Variants in SYNE1 observed in about 807,000 individuals in gnomAD.
SYNE1 encodes the protein nesprin-1.
In SYNE1, 616 loss-of-function variants were observed where a neutral mutation model predicts 1,111.0. The ratio of observed to expected loss-of-function variants is 0.55; its 90% CI spans 0.52 to 0.59. SYNE1 has a LOEUF of 0.59. Ranked by LOEUF, SYNE1 falls within the 20% of genes least tolerant of loss-of-function variation. The pLI is 0.00. For missense variants in SYNE1, 10,006 were observed against 10,417.0 expected, an observed-to-expected ratio of 0.96 and a Z score of 1.72; for synonymous variants, 3,855 against 3,825.8, an observed-to-expected ratio of 1.01 and a Z score of -0.28.
intron 3 of SYNE1, among the ~76,000 whole-genome samples, chr6:152,625,838 A>G (rs540407007): frequency 1.1e-4 from 16 of 152,334 alleles, no homozygotes; most frequent in African/African-American, 3.6e-4. Flanking sequence ...TTCCATGACT[A>G]TTTGAATGGC....
Position 152,521,806 on chromosome 6 carries a change from C to T in SYNE1, c.226-1264G>A, listed in dbSNP as rs138168675. On this transcript the variant is annotated intron_variant, in intron 5 of 145. Coordinates refer to ENST00000367255, the MANE Select transcript of SYNE1 (RefSeq NM_182961.4). ...AATATCTTCAACAAGTTTGTAACTTCTGCCAGTTGTTTTAAAGGTTTTTAA... is the reference window on the plus strand; with the variant it reads ...AATATCTTCAACAAGTTTGTAACTTTTGCCAGTTGTTTTAAAGGTTTTTAA... Among the ~76,000 whole-genome samples, 84 of 152,212 alleles carry T rather than the reference C, an allele frequency of 5.5e-4. 1 individual carries two copies. In the East Asian group the frequency reaches 0.015, roughly 27 times the overall value.
rs1018825092 is a variant in SYNE1 at position 152,136,512 on chromosome 6, G to A, written c.25659+106C>T. The A allele has an allele frequency of 5.1e-6, 7 of 1,361,224 alleles. No homozygotes were observed. The African/African-American group carries it at 1.0e-4, about 20-fold the overall frequency. The allele number at this position is 1,361,224 out of a possible 1,614,324, so 84.3% of individuals were successfully genotyped here. A position where few individuals can be genotyped will look rare whatever the true frequency, so the allele number is the denominator to read the frequency against. ...GTTATCTCACTGAAATACTGACTTT[G>A]GGGAGCAACTGCGTCCCTCTAGAAA... On this transcript the variant is annotated intron_variant, in intron 141 of 145. Transcript: ENST00000367255.
chr6:152,594,791 C>T (rs1456346567), intron 3 of SYNE1, among the ~76,000 whole-genome samples: 1 of 152,132 alleles, frequency 6.6e-6, no homozygotes, highest in Non-Finnish European at 1.5e-5. Context: ...TGAGCCTAAG[C>T]CAATCAGACT....
intron 58 of SYNE1, among the ~76,000 whole-genome samples, chr6:152,375,844 T>G (rs967163085): frequency 6.6e-6 from 1 of 152,250 alleles, no homozygotes; most frequent in East Asian, 1.9e-4. Flanking sequence ...AAAAATAGTG[T>G]GCATTTATAT....
In SYNE1 at chr6:152,208,986, G is replaced by A. The variant is rs374301733; in HGVS notation, c.22590-780C>T. On this transcript the variant is annotated intron_variant, in intron 124 of 145. Coordinates refer to ENST00000367255, the MANE Select transcript of SYNE1 (RefSeq NM_182961.4). Reference sequence around the variant, plus strand: ...GTTTTCTGGCTTTAAAAAAATATAGGTAGTTCTTTATTACGTTTTATTTAA... The same window carrying A: ...GTTTTCTGGCTTTAAAAAAATATAGATAGTTCTTTATTACGTTTTATTTAA... Among the ~76,000 whole-genome samples, 17 of 151,694 alleles carry A rather than the reference G, an allele frequency of 1.1e-4. No individual in the cohort carries two copies. The East Asian group carries it at 2.5e-3, about 22-fold the overall frequency.
rs370196519 is a variant in SYNE1, at chr6:152,453,725, C to T, written c.2893-5G>A. 5.8e-5 allele frequency: 94 copies of T among 1,614,134 alleles called. No individual in the cohort carries two copies. The highest frequency in any genetic ancestry group is 4.9e-4 in the Middle Eastern group (3 of 6,062). ...ATCCAGCTGACTGAAAAACTCCTGA[C>T]ATGGAAGGGGAAAGTGGGTAAGAGT... On this transcript the variant is annotated splice_polypyrimidine_tract_variant and splice_region_variant and intron_variant, in intron 24 of 145. Coordinates refer to ENST00000367255, the MANE Select transcript of SYNE1 (RefSeq NM_182961.4).
At chr6:152,480,765 A>G (rs2098888411) in intron 14 of SYNE1, 1 of 456,100 alleles carries the variant, frequency 2.2e-6, no homozygotes, top group Admixed American at 2.3e-5. Context: ...TCTCTTTATT[A>G]CATTCCTTAG....
At chr6:152,564,877 T>C (rs936643508) in intron 3 of SYNE1, among the ~76,000 whole-genome samples, 1 of 152,130 alleles carries the variant, frequency 6.6e-6, no homozygotes, top group Non-Finnish European at 1.5e-5. Context: ...ATATGTAAAC[T>C]AGAGACAAAA....
rs140136749 is a variant in SYNE1 at position 152,331,584 on chromosome 6, G to A, written c.13101C>T (p.Ile4367=). Reference sequence around the variant, plus strand: ...GAGGGCTCTGCTTAAGGGCCTCGGCGATGTTGGGTTGTTGCTCTTCTGCCC... The same window carrying A: ...GAGGGCTCTGCTTAAGGGCCTCGGCAATGTTGGGTTGTTGCTCTTCTGCCC... ...MEWAEEQQPN[I]AEALKQSPPP... The change falls in exon 78 of 146, where the codon ATC becomes ATT. Residue 4367 remains isoleucine (I), a synonymous_variant. Coordinates refer to ENST00000367255, the MANE Select transcript of SYNE1 (RefSeq NM_182961.4). 524 of 1,614,132 alleles carry A rather than the reference G, an allele frequency of 3.2e-4. 1 individual carries two copies. The highest frequency in any genetic ancestry group is 3.1e-3 in the African/African-American group (230 of 75,022).
At chr6:152,465,531 CT>C in intron 17 of SYNE1, 71 bp from the exon 18 acceptor site, 1 of 1,392,888 alleles carries the variant, frequency 7.2e-7, no homozygotes, top group Non-Finnish European at 9.9e-7. Context: ...TTTCTATGGT[CT>C]TATACATTGG....
At chr6:152,178,554 T>C (rs1343782319) in intron 129 of SYNE1, among the ~76,000 whole-genome samples, 3 of 152,246 alleles carry the variant, frequency 2.0e-5, no homozygotes, top group Non-Finnish European at 4.4e-5. Flanking sequence ...ATAGTACATG[T>C]TGGCTTTGGA....
intron 38 of SYNE1, among the ~76,000 whole-genome samples, chr6:152,427,344 C>T (rs1314254734): frequency 6.6e-6 from 1 of 152,174 alleles, no homozygotes; most frequent in East Asian, 1.9e-4. Context: ...CTATTTCCAG[C>T]CTCAGAAATT....
chr6:152,178,835 A>G (rs2067133248), intron 129 of SYNE1, among the ~76,000 whole-genome samples: 1 of 152,194 alleles, frequency 6.6e-6, no homozygotes, highest in African/African-American at 2.4e-5. Flanking sequence ...ACTAATGAGA[A>G]GCACAAATTA....
At chr6:152,221,214 G>A (rs1284112060) in intron 118 of SYNE1, among the ~76,000 whole-genome samples, 168 bp from the exon 119 acceptor site, 1 of 152,178 alleles carries the variant, frequency 6.6e-6, no homozygotes, top group South Asian at 2.1e-4. Flanking sequence ...GGTAGGTAAT[G>A]AGGATGATGG....
rs1411374217 is a variant in SYNE1 at position 152,588,987 on chromosome 6, TTGTCTAG to T, written c.67+39271_67+39277del. Among the ~76,000 whole-genome samples the T allele has an allele frequency of 2.0e-5, 3 of 152,094 alleles. No homozygotes were observed. In the East Asian group the frequency reaches 5.8e-4, roughly 29 times the overall value. ...TTTTTTTCAACAGAGACTTGTTCTG[TTGTCTAG>T]GCTGGAGTTCAGAGGCATGATCTTG... is the stretch of plus-strand genomic sequence containing the variant. On this transcript the variant is annotated intron_variant, in intron 3 of 145. Coordinates refer to ENST00000367255, the MANE Select transcript of SYNE1 (RefSeq NM_182961.4).
At chr6:152,217,973 C>A (rs184723925) in intron 121 of SYNE1, among the ~76,000 whole-genome samples, 1 of 152,148 alleles carries the variant, frequency 6.6e-6, no homozygotes, top group Admixed American at 6.6e-5. Context: ...GTAATTCCAG[C>A]ATTTTGGGAG....
At chr6:152,204,331 A>C (rs1040919390) in intron 126 of SYNE1, among the ~76,000 whole-genome samples, 1 of 150,242 alleles carries the variant, frequency 6.7e-6, no homozygotes, top group African/African-American at 2.5e-5. Flanking sequence ...GCACCACAGC[A>C]CTCCAGCCTG....
chr6:152,452,546 A>C (rs1389368032), intron 25 of SYNE1, among the ~76,000 whole-genome samples: 1 of 152,218 alleles, frequency 6.6e-6, no homozygotes, highest in Non-Finnish European at 1.5e-5. Context: ...AGATCTTAAA[A>C]ATACACAAAG....
chr6:152,322,567 T>A (rs980306417), intron 82 of SYNE1, among the ~76,000 whole-genome samples: 1 of 152,226 alleles, frequency 6.6e-6, no homozygotes, highest in Non-Finnish European at 1.5e-5. Flanking sequence ...ATTATTTACC[T>A]GGACTGCGCT....
Sources: allele counts gnomAD v4.1 joint callset (sites outside exome capture counted in the v4.1 genomes callset), GRCh38; gene constraint gnomAD v4.1.1; transcripts MANE v1.5; gene names NCBI Gene and HGNC (gene_info 2026-07-23, HGNC 2026-07-21).